SYNE2: variants seen among roughly 807,000 people sequenced by gnomAD.
The protein encoded by SYNE2 is spectrin repeat containing nuclear envelope protein 2.
In SYNE2, 431 loss-of-function variants were observed where a neutral mutation model predicts 856.3. The observed-to-expected ratio is 0.50, with a 90% CI of 0.47 to 0.55. The LOEUF (loss-of-function observed/expected upper bound fraction) is 0.55. Among genes scored for constraint, SYNE2 ranks in the 20% least tolerant of loss-of-function variants. The pLI is 0.00. For synonymous variants in SYNE2, 2,923 were observed against 2,872.3 expected (o/e 1.02, Z -0.56); for missense variants, 8,129 against 8,023.2 (o/e 1.01, Z -0.50).
At chr14:63,943,559 CTAAATT>C (rs2095960397) in intron 6 of SYNE2, among the ~76,000 whole-genome samples, 3 of 151,858 alleles carry the variant, frequency 2.0e-5, no homozygotes, top group African/African-American at 7.2e-5. Context: ...ATTATGAAAA[CTAAATT>C]TAAGTTGTGT....
In SYNE2 at chr14:64,010,016, T is replaced by C. The variant is rs907173183; in HGVS notation, c.4628T>C (p.Phe1543Ser). 1 of 1,613,948 alleles carries C rather than the reference T, an allele frequency of 6.2e-7. No homozygotes were observed. The highest frequency in any genetic ancestry group is 8.5e-7 in the Non-Finnish European group (1 of 1,179,984). ...VLELLKQYQNFKSILTTLIQK... is the reference protein window; with the variant it reads ...VLELLKQYQNSKSILTTLIQK... The stretch of plus-strand genomic sequence containing the variant: ...GAGCTCTTAAAACAATATCAGAATT[T>C]TAAAAGCATCTTGACAACTTTGATT... Residue 1543 changes from phenylalanine to serine, a missense_variant, in exon 32 of 116, where the codon TTT (phenylalanine) becomes TCT (serine). By Grantham distance (155) the Phe-to-Ser change is radical. Coordinates refer to ENST00000555002, the MANE Select transcript of SYNE2 (RefSeq NM_182914.3).
rs1354545429 is a variant in SYNE2, at chr14:64,188,614, A to G, written c.17777A>G (p.Asn5926Ser). Residue 5926 changes from asparagine (N) to serine (S), a missense_variant, in exon 98 of 116, where the codon AAT (asparagine) becomes AGT (serine). Transcript: ENST00000555002. ...LNTWVVFNEKNKELCAWLVQM... is the reference protein window; with the variant it reads ...LNTWVVFNEKSKELCAWLVQM... ...ACATGGGTTGTATTCAATGAAAAAA[A>G]TAAAGAGTTGTGTGCCTGGCTGGTG... is the stretch of plus-strand genomic sequence containing the variant. 6.2e-7 allele frequency: 1 copy of G among 1,614,142 alleles called. No homozygotes were observed. The highest frequency in any genetic ancestry group is 1.3e-5 in the African/African-American group (1 of 74,946).
At chr14:63,979,088 G>A in intron 14 of SYNE2, 74 bp downstream of exon 14, 2 of 1,479,026 alleles carry the variant, frequency 1.4e-6, no homozygotes, top group Non-Finnish European at 1.9e-6. Context: ...TCCTTGGCAT[G>A]ATTTCCCATT....
chr14:63,865,718 C>CG (rs1286598104), intron 1 of SYNE2, among the ~76,000 whole-genome samples: 1 of 112,292 alleles, frequency 8.9e-6, no homozygotes, highest in African/African-American at 3.6e-5. Context: ...GTACCCACCC[C>CG]CCCCCCAAAA....
rs143077670 is a variant in SYNE2 at position 64,219,357 on chromosome 14, G to A, written c.19807G>A (p.Ala6603Thr). ...AGCAGAGCTGGAAATGTTAAAGATG[G>A]CAAAGCCTCCCTCTGATATCCAGGA... ...TEAELEMLKM[A>T]KPPSDIQEIE... Residue 6603 changes from alanine to threonine, a missense_variant, in exon 110 of 116, where the codon GCA becomes ACA. Coordinates refer to ENST00000555002, the MANE Select transcript of SYNE2 (RefSeq NM_182914.3). 2.6e-5 allele frequency: 42 copies of A among 1,613,954 alleles called. No individual in the cohort carries two copies. Among genetic ancestry groups the A allele is most frequent in the Non-Finnish European group, 3.6e-5 (42 of 1,180,036 alleles).
chr14:63,867,714 G>A (rs371572633), intron 1 of SYNE2, among the ~76,000 whole-genome samples: 7 of 130,988 alleles, frequency 5.3e-5, no homozygotes, highest in African/African-American at 1.8e-4. Flanking sequence ...AGAATAAAAA[G>A]AATAAAAAGA....
chr14:63,922,698 A>G (rs951353390), intron 2 of SYNE2, among the ~76,000 whole-genome samples: 1 of 152,104 alleles, frequency 6.6e-6, no homozygotes, highest in African/African-American at 2.4e-5. Flanking sequence ...TTTCATCGCT[A>G]TTTTTTGCCA....
chr14:64,209,452 G>C lies in SYNE2; in HGVS notation c.18414G>C (p.Trp6138Cys). The change falls in exon 102 of 116, where the codon TGG becomes TGC. Residue 6138 changes from tryptophan (W) to cysteine (C), a missense_variant. Trp to Cys is a radical substitution (Grantham distance 215). This residue lies in a region of SYNE2 where 5,410 missense variants were observed against 5,284.8 expected (regional missense o/e 1.02). Transcript: ENST00000555002. ...RMKIEETWRL[W>C]QKFLDDYSRF... Reference sequence around the variant, plus strand: ...GAATCGAGGAGACGTGGCGCCTGTGGCAGAAGTTTTTAGACGACTATTCTC... The same window carrying C: ...GAATCGAGGAGACGTGGCGCCTGTGCCAGAAGTTTTTAGACGACTATTCTC... 1 of 1,614,224 alleles carries C rather than the reference G, an allele frequency of 6.2e-7. No individual in the cohort carries two copies.
At chr14:64,146,633 T>G (rs762850113) in intron 84 of SYNE2, among the ~76,000 whole-genome samples, 1 of 152,262 alleles carries the variant, frequency 6.6e-6, no homozygotes, top group Non-Finnish European at 1.5e-5. Flanking sequence ...TTCTTCTACC[T>G]ATTGTGTATT....
chr14:63,893,954 G>A (rs2095196307), intron 1 of SYNE2, among the ~76,000 whole-genome samples: 1 of 152,194 alleles, frequency 6.6e-6, no homozygotes, highest in African/African-American at 2.4e-5. Flanking sequence ...ATGCAGGGCT[G>A]AGATTATTCC....
intron 7 of SYNE2, among the ~76,000 whole-genome samples, chr14:63,950,252 G>A (rs1389717891): frequency 6.6e-6 from 1 of 152,126 alleles, no homozygotes; most frequent in African/African-American, 2.4e-5. Flanking sequence ...TTATTACATG[G>A]AAATAAAGTG....
At position 64,006,270 on chromosome 14, in the gene SYNE2, C is replaced by T. The variant is rs7147282; in HGVS notation, c.4398-773C>T. Among the ~76,000 whole-genome samples, 825 of 151,946 alleles carry T rather than the reference C, an allele frequency of 5.4e-3. 6 individuals carry two copies. The highest frequency in any genetic ancestry group is 0.019 in the African/African-American group (789 of 41,424). On this transcript the variant is annotated intron_variant, in intron 30 of 115. Coordinates refer to ENST00000555002, the MANE Select transcript of SYNE2 (RefSeq NM_182914.3). ...GATAGGGAGAGCTTTTTGTACATAA[C>T]GGAGAAATGAAAGATTTCCTTTGTC... is the stretch of plus-strand genomic sequence containing the variant.
chr14:64,018,484 C>T (rs879824468), intron 34 of SYNE2, among the ~76,000 whole-genome samples: 2 of 152,142 alleles, frequency 1.3e-5, no homozygotes, highest in Non-Finnish European at 2.9e-5. Flanking sequence ...CCTCGTGATC[C>T]GCCCACCTCG....
intron 1 of SYNE2, among the ~76,000 whole-genome samples, chr14:63,803,288 G>C (rs972900877): frequency 1.3e-5 from 2 of 152,242 alleles, no homozygotes; most frequent in Non-Finnish European, 2.9e-5. Flanking sequence ...TTGGGTGGTC[G>C]ATGGGACTGG....
At position 64,167,263 on chromosome 14, in the gene SYNE2, C is replaced by T; in HGVS notation, c.16636C>T (p.Pro5546Ser). ...TGTGCTGGCACTGACAGCCCAATCACCTGATATTGAACATTTGAATGAAGT... is the reference window on the plus strand; with the variant it reads ...TGTGCTGGCACTGACAGCCCAATCATCTGATATTGAACATTTGAATGAAGT... ...NHVLALTAQS[P>S]DIEHLNEVSL... The change falls in exon 91 of 116, where the codon CCT (proline) becomes TCT (serine). Residue 5546 changes from proline to serine, a missense_variant. Physicochemically the swap from Pro to Ser is moderately conservative, Grantham distance 74. Around this residue, in one of 3 missense-constraint regions of SYNE2, gnomAD observed 5,410 missense variants for 5,284.8 expected, o/e 1.02. Transcript: ENST00000555002. 6.2e-7 allele frequency: 1 copy of T among 1,614,206 alleles called. No homozygotes were observed. Among genetic ancestry groups the T allele is most frequent in the Non-Finnish European group, 8.5e-7 (1 of 1,180,036 alleles).
chr14:64,141,657 T>A, intron 81 of SYNE2, 134 bp downstream of exon 81: 2 of 1,002,490 alleles, frequency 2.0e-6, no homozygotes, highest in Non-Finnish European at 3.0e-6. Context: ...ATATAAGTCT[T>A]AATTACTGGA....
At chr14:64,007,335 CAT>C (rs1288943549) in intron 31 of SYNE2, 113 bp downstream of exon 31, 1 of 995,550 alleles carries the variant, frequency 1.0e-6, no homozygotes, top group Non-Finnish European at 1.6e-6. Flanking sequence ...GAGGGACAAA[CAT>C]AAGGATTTCC....
chr14:64,032,586 T>C (rs2097049015), intron 45 of SYNE2, among the ~76,000 whole-genome samples: 1 of 151,932 alleles, frequency 6.6e-6, no homozygotes, highest in South Asian at 2.1e-4. Flanking sequence ...TTGTTGTTGT[T>C]GTTGAGACGG....
rs1594680849 is a variant in SYNE2 at position 63,986,501 on chromosome 14, C to G, written c.2197C>G (p.Leu733Val). The G allele has an allele frequency of 6.2e-7, 1 of 1,614,066 alleles. No individual in the cohort carries two copies. Among genetic ancestry groups the G allele is most frequent in the Non-Finnish European group, 8.5e-7 (1 of 1,180,002 alleles). ...AGAAAATGAAGAATTCACAGGGCAA[C>G]TAAAAGTGGCTAAAGATGTTGAAAA... is the stretch of plus-strand genomic sequence containing the variant. ...EKENEEFTGQ[L>V]KVAKDVEKLI... The change falls in exon 19 of 116, where the codon CTA becomes GTA. Residue 733 changes from leucine (L) to valine (V), a missense_variant. By Grantham distance (32) the Leu-to-Val change is conservative. Transcript: ENST00000555002.
Sources: gnomAD v4.1 joint callset for allele counts (sites outside exome capture counted in the v4.1 genomes callset) on GRCh38, gnomAD v4.1.1 for gene constraint, gnomAD v4.1.1 regional missense constraint, MANE v1.5 for transcripts, NCBI Gene and HGNC (gene_info 2026-07-23, HGNC 2026-07-21) for gene names.